DAB1: variants seen among roughly 807,000 people sequenced by gnomAD.
DAB1 encodes DAB adaptor protein 1.
A neutral mutation model predicts 64.6 loss-of-function variants in DAB1; 15 were observed. The ratio of observed to expected loss-of-function variants is 0.23; its 90% CI spans 0.16 to 0.36. DAB1 has a LOEUF of 0.36. Ranked by LOEUF, DAB1 falls within the 10% of genes least tolerant of loss-of-function variation. The probability of loss-of-function intolerance (pLI) is 1.00; values close to 1 mark genes in which losing one functional copy is unlikely to be tolerated. For synonymous variants in DAB1, 235 were observed against 251.9 expected, an observed-to-expected ratio of 0.93 and a Z score of 0.64; for missense variants, 596 against 706.7, an observed-to-expected ratio of 0.84 and a Z score of 1.78.
intron 5 of DAB1, among the ~76,000 whole-genome samples, chr1:58,026,783 T>G (rs940014075): frequency 1.3e-5 from 2 of 152,212 alleles, no homozygotes; most frequent in Non-Finnish European, 2.9e-5. Context: ...ATGGGAGATT[T>G]GTGTATATGC....
At chr1:57,361,504 A>C (rs1679547179) in intron 1 of DAB1, among the ~76,000 whole-genome samples, 1 of 152,116 alleles carries the variant, frequency 6.6e-6, no homozygotes, top group African/African-American at 2.4e-5. Context: ...GTTCATCTGC[A>C]TCCTTTGCCA....
chr1:57,620,311 A>C (rs1483368005), intron 7 of DAB1, among the ~76,000 whole-genome samples: 2 of 152,134 alleles, frequency 1.3e-5, no homozygotes, highest in African/African-American at 2.4e-5. Flanking sequence ...ACATAGGTAC[A>C]TATGGGGTGA....
rs953505649 is a variant in DAB1, at chr1:57,287,116, G to A, written c.67+3848C>T. Among the ~76,000 whole-genome samples the A allele has an allele frequency of 3.9e-5, 6 of 152,240 alleles. No homozygotes were observed. In the East Asian group the frequency reaches 9.6e-4, roughly 24 times the overall value. On this transcript the variant is annotated intron_variant, in intron 2 of 14. Transcript: ENST00000371236. ...TGACAAGGTCTGGCTCTATTGCACAGGCTGGAGTGCAGTGGTGTGATTTTG... is the reference window on the plus strand; with the variant it reads ...TGACAAGGTCTGGCTCTATTGCACAAGCTGGAGTGCAGTGGTGTGATTTTG...
chr1:57,020,422 C>T (rs947678890), intron 11 of DAB1, among the ~76,000 whole-genome samples: 5 of 152,150 alleles, frequency 3.3e-5, no homozygotes, highest in African/African-American at 1.2e-4. Context: ...TGATCATCCC[C>T]ATTAAAACGG....
At chr1:58,258,547 C>G (rs998119582) in intron 4 of DAB1, among the ~76,000 whole-genome samples, 1 of 152,140 alleles carries the variant, frequency 6.6e-6, no homozygotes, top group Non-Finnish European at 1.5e-5. Context: ...CAGGCACAGA[C>G]GAGGTGGTCT....
At chr1:57,826,401 C>T (rs997766805) in exon 2 of DAB1, 1 of 152,108 alleles carries the variant, frequency 6.6e-6, no homozygotes, top group African/African-American at 2.4e-5. Context: ...GCATCTCATC[C>T]AAGCTGAGAA....
At chr1:58,361,430 T>G (rs1644166141) in intron 3 of DAB1, among the ~76,000 whole-genome samples, 1 of 152,224 alleles carries the variant, frequency 6.6e-6, no homozygotes, top group Admixed American at 6.5e-5. Context: ...CATGTTTGTC[T>G]GTATCTCTTT....
chr1:57,593,463 A>G (rs564878935), intron 7 of DAB1, among the ~76,000 whole-genome samples: 7 of 152,318 alleles, frequency 4.6e-5, no homozygotes, highest in Admixed American at 2.0e-4. Flanking sequence ...TGCTGTGACC[A>G]TGGGTGCACA....
intron 1 of DAB1, among the ~76,000 whole-genome samples, chr1:57,329,624 C>T (rs1367921950): frequency 1.4e-5 from 2 of 140,192 alleles, no homozygotes. Flanking sequence ...TCATTAATTC[C>T]AGAATGTTCC....
At chr1:58,040,736 A>G (rs1324193276) in intron 5 of DAB1, among the ~76,000 whole-genome samples, 3 of 152,220 alleles carry the variant, frequency 2.0e-5, no homozygotes, top group Non-Finnish European at 2.9e-5. Context: ...ACTGCAGTCT[A>G]ATGTCAATCT....
At chr1:57,743,659 G>A (rs926094072) in intron 6 of DAB1, among the ~76,000 whole-genome samples, 1 of 152,096 alleles carries the variant, frequency 6.6e-6, no homozygotes, top group Non-Finnish European at 1.5e-5. Flanking sequence ...GGTGTGTGCC[G>A]AGCTTCACCT....
intron 5 of DAB1, among the ~76,000 whole-genome samples, chr1:58,031,577 T>G (rs1646970436): frequency 6.6e-6 from 1 of 152,180 alleles, no homozygotes; most frequent in African/African-American, 2.4e-5. Context: ...TCCTTTGAGA[T>G]GCTAAGGACC....
chr1:58,178,808 A>C (rs1475837440), intron 4 of DAB1, among the ~76,000 whole-genome samples: 1 of 152,180 alleles, frequency 6.6e-6, no homozygotes, highest in African/African-American at 2.4e-5. Context: ...ATGCAGGCCA[A>C]ATTTAACCCT....
chr1:57,693,508 T>G (rs1646788898), intron 6 of DAB1, among the ~76,000 whole-genome samples: 1 of 152,170 alleles, frequency 6.6e-6, no homozygotes, highest in Admixed American at 6.5e-5. Context: ...ATCAGCACTC[T>G]GTAAAATGGA....
intron 6 of DAB1, among the ~76,000 whole-genome samples, chr1:57,650,317 A>AT (rs35011728): frequency 0.45 from 67,577 of 151,738 alleles, 17,199 homozygotes; most frequent in East Asian, 0.69. Context: ...TAATTTTTGC[A>AT]TTTTTTTATA....
chr1:58,074,541 T>TAC (rs1649485451), intron 5 of DAB1: 2 of 97,536 alleles, frequency 2.1e-5, no homozygotes, highest in Admixed American at 1.2e-4. Flanking sequence ...TATATATATA[T>TAC]ATACACACAT....
chr1:58,415,206 C>T (rs77501093), intron 3 of DAB1, among the ~76,000 whole-genome samples: 24 of 152,228 alleles, frequency 1.6e-4, no homozygotes, highest in African/African-American at 5.1e-4. Flanking sequence ...AAGGTGGCCA[C>T]CTGCAAGCCA....
At chr1:58,078,287 T>A (rs1216387594) in intron 5 of DAB1, among the ~76,000 whole-genome samples, 1 of 152,242 alleles carries the variant, frequency 6.6e-6, no homozygotes, top group Non-Finnish European at 1.5e-5. Flanking sequence ...GGCTAGAGAA[T>A]TCTTTGATTA....
chr1:57,255,675 A>G (rs931833243), intron 2 of DAB1, among the ~76,000 whole-genome samples: 1 of 152,126 alleles, frequency 6.6e-6, no homozygotes, highest in African/African-American at 2.4e-5. Context: ...TAAACAAACA[A>G]AAAAACCAAG....
Sources: allele counts gnomAD v4.1 joint callset (sites outside exome capture counted in the v4.1 genomes callset), GRCh38; gene constraint gnomAD v4.1.1; transcripts MANE v1.5; gene names NCBI Gene and HGNC (gene_info 2026-07-23, HGNC 2026-07-21).